PHF20: variants seen among roughly 807,000 people sequenced by gnomAD.
The protein encoded by PHF20 is glioma-expressed antigen 2.
PHF20 carries 23 observed loss-of-function variants against 113.5 expected under a neutral mutation model. The ratio of observed to expected loss-of-function variants is 0.20; its 90% CI spans 0.15 to 0.29. PHF20 has a LOEUF of 0.29. PHF20 is among the 10% of genes least tolerant of loss of function. PHF20 has a pLI of 1.00. For missense variants in PHF20, 943 were observed against 1,219.6 expected (o/e 0.77, Z 3.38); for synonymous variants, 434 against 457.3 (o/e 0.95, Z 0.65).
intron 2 of PHF20, among the ~76,000 whole-genome samples, chr20:35,837,269 T>C (rs1221505102): frequency 6.6e-6 from 1 of 152,210 alleles, no homozygotes; most frequent in African/African-American, 2.4e-5. Context: ...AACTAAATTT[T>C]TAAAAAAATT....
At chr20:35,869,787 T>C (rs2054385393) in intron 7 of PHF20, among the ~76,000 whole-genome samples, 1 of 152,194 alleles carries the variant, frequency 6.6e-6, no homozygotes, top group Non-Finnish European at 1.5e-5. Context: ...TATCCATAAA[T>C]CACATTTGAT....
At chr20:35,865,780 A>G (rs1377675087) in intron 6 of PHF20, among the ~76,000 whole-genome samples, 21 of 152,128 alleles carry the variant, frequency 1.4e-4, no homozygotes, top group Admixed American at 1.4e-3. Context: ...GATTACAGGC[A>G]TGAGCCACCA....
At chr20:35,911,981 CTTT>C (rs769872982) in intron 10 of PHF20, among the ~76,000 whole-genome samples, 11 of 128,322 alleles carry the variant, frequency 8.6e-5, no homozygotes, top group African/African-American at 2.9e-4. Flanking sequence ...TTCTTTCTTT[CTTT>C]TTTTTTTTTT....
At chr20:35,911,064 G>C (rs1262482518) in intron 10 of PHF20, among the ~76,000 whole-genome samples, 1 of 149,798 alleles carries the variant, frequency 6.7e-6, no homozygotes, top group Non-Finnish European at 1.5e-5. Context: ...TTTTTGAGAC[G>C]GAGTCTTGCA....
At chr20:35,902,335 G>T (rs2055113479) in intron 10 of PHF20, among the ~76,000 whole-genome samples, 1 of 152,204 alleles carries the variant, frequency 6.6e-6, no homozygotes, top group Non-Finnish European at 1.5e-5. Context: ...GGCAGGATGA[G>T]GGTACAACAC....
At chr20:35,794,106 G>A (rs2041619304) in intron 1 of PHF20, among the ~76,000 whole-genome samples, 1 of 151,054 alleles carries the variant, frequency 6.6e-6, no homozygotes, top group Admixed American at 6.6e-5. Context: ...TTCGAGACCA[G>A]CCTGACCAAT....
chr20:35,871,765 A>G lies in PHF20; in HGVS notation c.1218A>G (p.Glu406=). 1 of 1,613,740 alleles carries G rather than the reference A, an allele frequency of 6.2e-7. No homozygotes were observed. ...AGTTGAACTGCCCATCAATGGGAGAAAACACGATGAAAACAGAACCGACTT... is the reference window on the plus strand; with the variant it reads ...AGTTGAACTGCCCATCAATGGGAGAGAACACGATGAAAACAGAACCGACTT... ...GLELNCPSMG[E]NTMKTEPTSP... The change falls in exon 9 of 18, where the codon GAA becomes GAG. Residue 406 remains glutamate (E), a synonymous_variant. Transcript: ENST00000374012.
chr20:35,908,305 A>G (rs2055236976), intron 10 of PHF20, among the ~76,000 whole-genome samples: 1 of 152,164 alleles, frequency 6.6e-6, no homozygotes, highest in African/African-American at 2.4e-5. Context: ...TTGCTGGGCA[A>G]TTCTCTGTGT....
chr20:35,940,010 T>C (rs1158405224), intron 16 of PHF20, among the ~76,000 whole-genome samples: 1 of 152,234 alleles, frequency 6.6e-6, no homozygotes, highest in East Asian at 1.9e-4. Flanking sequence ...TGTGTGATTC[T>C]GAGCGGGTTA....
chr20:35,882,886 G>T (rs2054659743), intron 9 of PHF20, among the ~76,000 whole-genome samples: 1 of 152,092 alleles, frequency 6.6e-6, no homozygotes, highest in Non-Finnish European at 1.5e-5. Flanking sequence ...AGTTTAGCCA[G>T]GTGCGGTGGT....
intron 1 of PHF20, among the ~76,000 whole-genome samples, chr20:35,774,170 C>T (rs1283057745): frequency 2.0e-5 from 3 of 151,778 alleles, no homozygotes; most frequent in East Asian, 3.9e-4. Flanking sequence ...GCAAGCTCCG[C>T]CTCCCGGGTT....
At chr20:35,834,159 T>A (rs556179987) in intron 2 of PHF20, among the ~76,000 whole-genome samples, 4 of 151,346 alleles carry the variant, frequency 2.6e-5, no homozygotes, top group Admixed American at 1.3e-4. Context: ...CTGTCCAGCC[T>A]GGGCTGGACA....
rs1600889842 is a variant in PHF20 at position 35,892,432 on chromosome 20, C to T, written c.1283-6938C>T. 2.0e-5 allele frequency among the ~76,000 whole-genome samples: 3 copies of T among 151,958 alleles called. No homozygotes were observed. In the East Asian group the frequency reaches 5.8e-4, roughly 29 times the overall value. The stretch of plus-strand genomic sequence containing the variant: ...CCATGCTGCTCAGGCAGGTCTCGAA[C>T]TCCTGACCTCAGGTGCTCCACCTGC... On this transcript the variant is annotated intron_variant, in intron 9 of 17. Transcript: ENST00000374012.
At chr20:35,792,469 G>A (rs766853617) in intron 1 of PHF20, among the ~76,000 whole-genome samples, 9 of 152,076 alleles carry the variant, frequency 5.9e-5, no homozygotes, top group Non-Finnish European at 8.8e-5. Context: ...GATTACAGGC[G>A]TGAGCCACCG....
At chr20:35,828,213 G>A (rs1465754498) in intron 2 of PHF20, among the ~76,000 whole-genome samples, 1 of 151,942 alleles carries the variant, frequency 6.6e-6, no homozygotes, top group Non-Finnish European at 1.5e-5. Flanking sequence ...TAGTAGAGAC[G>A]GAGTTTCTCC....
intron 1 of PHF20, among the ~76,000 whole-genome samples, chr20:35,793,232 C>T (rs1263915948): frequency 6.6e-6 from 1 of 151,974 alleles, no homozygotes; most frequent in Non-Finnish European, 1.5e-5. Flanking sequence ...AAGTCACTTC[C>T]TTTAGATCTC....
intron 9 of PHF20, among the ~76,000 whole-genome samples, chr20:35,893,050 C>T (rs531668660): frequency 1.1e-4 from 16 of 152,350 alleles, no homozygotes; most frequent in Middle Eastern, 6.8e-3. Flanking sequence ...GAGGAGCATC[C>T]GTGCTCACTT....
intron 9 of PHF20, among the ~76,000 whole-genome samples, chr20:35,889,009 CTTTTTTTTTTTTTTT>C (rs566960589): frequency 0.056 from 5,600 of 99,296 alleles, 267 homozygotes; most frequent in South Asian, 0.27. Flanking sequence ...CTCTTAGTTT[CTTTTTTTTTTTTTTT>C]TTTTTTTTTT....
intron 9 of PHF20, chr20:35,878,868 G>T: frequency 2.2e-6 from 1 of 446,592 alleles, no homozygotes. Flanking sequence ...TTGAATATTG[G>T]CTTCCTTTCT....
Sources: allele counts gnomAD v4.1 joint callset (sites outside exome capture counted in the v4.1 genomes callset), GRCh38; gene constraint gnomAD v4.1.1; transcripts MANE v1.5; gene names NCBI Gene and HGNC (gene_info 2026-07-23, HGNC 2026-07-21).